Variants in NAALADL2 observed in about 807,000 individuals in gnomAD.
NAALADL2 encodes the protein N-acetylated alpha-linked acidic dipeptidase like 2, also known as inactive N-acetylated-alpha-linked acidic dipeptidase-like protein 2.
In NAALADL2, 76 loss-of-function variants were observed where a neutral mutation model predicts 87.2. The observed-to-expected ratio is 0.87, with a 90% CI of 0.72 to 1.05. The LOEUF is 1.05. Among genes scored for constraint, NAALADL2 ranks in the 50% least tolerant of loss-of-function variants. NAALADL2 has a pLI of 0.00. For missense variants in NAALADL2, 1,089 were observed against 945.8 expected (o/e 1.15, Z -1.99); for synonymous variants, 354 against 331.0 (o/e 1.07, Z -0.75).
chr3:175,044,404 G>T (rs1292322135), intron 1 of NAALADL2, among the ~76,000 whole-genome samples: 4 of 151,934 alleles, frequency 2.6e-5, no homozygotes, highest in Non-Finnish European at 4.4e-5. Flanking sequence ...TGCTTTTGTT[G>T]TTGCATTATA....
At chr3:174,710,285 T>G (rs1236438804) in intron 2 of NAALADL2, among the ~76,000 whole-genome samples, 2 of 150,904 alleles carry the variant, frequency 1.3e-5, no homozygotes, top group African/African-American at 2.4e-5. Context: ...GACCGAGTCT[T>G]GCTCTGTCGC....
intron 5 of NAALADL2, among the ~76,000 whole-genome samples, chr3:175,407,170 C>A (rs1036426638): frequency 6.6e-6 from 1 of 152,066 alleles, no homozygotes; most frequent in African/African-American, 2.4e-5. Context: ...GGAGACAGAA[C>A]GAGACTCCAT....
chr3:175,749,553 C>A (rs1321484193), intron 12 of NAALADL2, among the ~76,000 whole-genome samples: 1 of 151,946 alleles, frequency 6.6e-6, no homozygotes, highest in East Asian at 1.9e-4. Flanking sequence ...GAGGGGAAAA[C>A]AAAGAGAGAG....
chr3:175,762,701 A>G lies in NAALADL2; in HGVS notation c.2189+7283A>G, dbSNP rs550930327. ...AATATATTGTCCTTCCCTTTATTAA[A>G]CTTTGCTAATTGCTTGCCAATCGAG... On this transcript the variant is annotated intron_variant, in intron 13 of 13. Coordinates refer to ENST00000454872, the MANE Select transcript of NAALADL2 (RefSeq NM_207015.3). 5.9e-4 allele frequency among the ~76,000 whole-genome samples: 90 copies of G among 152,296 alleles called. 1 individual carries two copies. Among genetic ancestry groups the G allele is most frequent in the African/African-American group, 2.2e-3 (90 of 41,572 alleles).
chr3:175,706,577 A>G (rs1739756301), intron 11 of NAALADL2, among the ~76,000 whole-genome samples: 1 of 152,188 alleles, frequency 6.6e-6, no homozygotes, highest in Non-Finnish European at 1.5e-5. Context: ...ACTGCAGGTT[A>G]AGAGGAACTA....
intron 11 of NAALADL2, among the ~76,000 whole-genome samples, chr3:175,710,253 T>C (rs1740344483): frequency 6.6e-6 from 1 of 152,004 alleles, no homozygotes; most frequent in African/African-American, 2.4e-5. Context: ...TAGGAAAGTA[T>C]GAAGGTATGG....
chr3:174,883,246 C>A (rs1198404652), intron 1 of NAALADL2, among the ~76,000 whole-genome samples: 1 of 152,070 alleles, frequency 6.6e-6, no homozygotes, highest in East Asian at 1.9e-4. Flanking sequence ...TTTGGCTACA[C>A]CCTCACAGAA....
intron 12 of NAALADL2, among the ~76,000 whole-genome samples, chr3:175,754,683 T>C (rs1747032044): frequency 6.6e-6 from 1 of 152,196 alleles, no homozygotes; most frequent in Non-Finnish European, 1.5e-5. Context: ...CAGTTTACTC[T>C]CTGGTGAACA....
intron 13 of NAALADL2, chr3:175,773,672 T>G (rs1749817441): frequency 6.6e-6 from 1 of 152,128 alleles, no homozygotes; most frequent in Non-Finnish European, 1.5e-5. Flanking sequence ...CATCTTAAAG[T>G]GATAATCAGA....
intron 5 of NAALADL2, among the ~76,000 whole-genome samples, chr3:175,368,795 A>G (rs1484340791): frequency 1.3e-5 from 2 of 152,182 alleles, no homozygotes; most frequent in East Asian, 3.8e-4. Context: ...ACAAACCTGC[A>G]TAGCATGTTA....
chr3:175,292,180 T>G (rs1238153303), intron 4 of NAALADL2, among the ~76,000 whole-genome samples: 1 of 152,216 alleles, frequency 6.6e-6, no homozygotes, highest in East Asian at 1.9e-4. Context: ...CTGTTGACTG[T>G]ATATGCACAG....
At chr3:175,314,683 T>C (rs1274094431) in intron 4 of NAALADL2, among the ~76,000 whole-genome samples, 9 of 23,412 alleles carry the variant, frequency 3.8e-4, no homozygotes, top group African/African-American at 3.5e-3. Context: ...TATATATATA[T>C]ATATATATAT....
chr3:175,593,236 T>C (rs959849342), intron 10 of NAALADL2, among the ~76,000 whole-genome samples: 2 of 152,242 alleles, frequency 1.3e-5, no homozygotes, highest in East Asian at 1.9e-4. Context: ...GAACAATTCT[T>C]AATGATACCA....
chr3:174,612,488 T>A (rs1341047474), intron 2 of NAALADL2, among the ~76,000 whole-genome samples: 4 of 152,158 alleles, frequency 2.6e-5, no homozygotes, highest in Admixed American at 2.0e-4. Context: ...TAATGCTTTT[T>A]TCTTTTGTCT....
At chr3:175,240,872 C>G (rs1173173345) in intron 3 of NAALADL2, among the ~76,000 whole-genome samples, 1 of 152,108 alleles carries the variant, frequency 6.6e-6, no homozygotes, top group Non-Finnish European at 1.5e-5. Context: ...TCAGGCTGGT[C>G]TCGAACTGGA....
intron 4 of NAALADL2, among the ~76,000 whole-genome samples, chr3:175,316,647 G>A (rs1189230882): frequency 6.6e-6 from 1 of 152,170 alleles, no homozygotes; most frequent in Non-Finnish European, 1.5e-5. Context: ...GCCACCAGCT[G>A]AAGCAGATAG....
intron 13 of NAALADL2, among the ~76,000 whole-genome samples, chr3:175,800,454 A>G (rs1754015527): frequency 6.6e-6 from 1 of 152,168 alleles, no homozygotes; most frequent in African/African-American, 2.4e-5. Context: ...CATAAGCATG[A>G]TGATAAAGGA....
At position 175,704,437 on chromosome 3, in the gene NAALADL2, C is replaced by T. The variant is rs1038425258; in HGVS notation, c.1897-32869C>T. 6.0e-5 allele frequency among the ~76,000 whole-genome samples: 9 copies of T among 150,996 alleles called. No homozygotes were observed. In the South Asian group the frequency reaches 8.3e-4, roughly 14 times the overall value. On this transcript the variant is annotated intron_variant, in intron 11 of 13. Transcript: ENST00000454872. ...CTTAGAGCCACTTTACTTATTTTTACGACAGAAAAATAGATGTGAAATACA... is the reference window on the plus strand; with the variant it reads ...CTTAGAGCCACTTTACTTATTTTTATGACAGAAAAATAGATGTGAAATACA...
At chr3:174,893,979 T>C (rs1176158203) in intron 1 of NAALADL2, among the ~76,000 whole-genome samples, 1 of 152,104 alleles carries the variant, frequency 6.6e-6, no homozygotes, top group African/African-American at 2.4e-5. Flanking sequence ...AAGAAACACT[T>C]TACCTGTGAA....
Sources: gnomAD v4.1 joint callset for allele counts (sites outside exome capture counted in the v4.1 genomes callset) on GRCh38, gnomAD v4.1.1 for gene constraint, MANE v1.5 for transcripts, NCBI Gene and HGNC (gene_info 2026-07-23, HGNC 2026-07-21) for gene names.